SNTN: variants seen among roughly 807,000 people sequenced by gnomAD.
SNTN encodes the protein sentan, cilia apical structure protein.
Under a neutral mutation model 12.3 loss-of-function variants are expected in SNTN, and 13 were observed. The observed-to-expected ratio is 1.05, with a 90% CI of 0.69 to 1.67. SNTN has a LOEUF of 1.67. SNTN is among the 40% of genes most tolerant of loss of function. The probability of loss-of-function intolerance (pLI) is 0.00; values close to 1 mark genes in which losing one functional copy is unlikely to be tolerated. For missense variants in SNTN, 189 were observed against 169.8 expected, an observed-to-expected ratio of 1.11 and a Z score of -0.63; for synonymous variants, 69 against 58.5, an observed-to-expected ratio of 1.18 and a Z score of -0.82.
Position 63,664,185 on chromosome 3 carries a change from T to C in SNTN, c.*90T>C. On this transcript the variant is annotated 3_prime_UTR_variant, in exon 4 of 4. Transcript: ENST00000343837. ...ATTTTTGATTAATTGAATATATCTATCATGCATCTGAAATTGCCTAGGATG... is the reference window on the plus strand; with the variant it reads ...ATTTTTGATTAATTGAATATATCTACCATGCATCTGAAATTGCCTAGGATG... 7.8e-7 allele frequency: 1 copy of C among 1,288,262 alleles called. No individual in the cohort carries two copies. The highest frequency in any genetic ancestry group is 1.1e-6 in the Non-Finnish European group (1 of 951,582). 79.8% of individuals were successfully genotyped at this position (1,288,262 alleles called of 1,614,324 possible).
At chr3:63,663,730 C>T (rs1224990087) in intron 3 of SNTN, 1 of 685,362 alleles carries the variant, frequency 1.5e-6, no homozygotes, top group Non-Finnish European at 2.7e-6. Context: ...GTGGAAGCAG[C>T]CTGAGGTCCT....
intron 3 of SNTN, among the ~76,000 whole-genome samples, chr3:63,663,293 T>A (rs1189694527): frequency 6.6e-6 from 1 of 152,214 alleles, no homozygotes; most frequent in Non-Finnish European, 1.5e-5. Flanking sequence ...ATACTGCATC[T>A]GTAGGATGAG....
intron 3 of SNTN, among the ~76,000 whole-genome samples, chr3:63,661,257 T>A (rs865839605): frequency 6.6e-6 from 1 of 152,200 alleles, no homozygotes; most frequent in Non-Finnish European, 1.5e-5. Flanking sequence ...GAGGGCCTCA[T>A]ATCAGCTTAA....
chr3:63,664,783 G>C lies in SNTN; in HGVS notation c.*688G>C, dbSNP rs545977597. ...TTATTTTATTTTGAGACAGAGTTTT[G>C]CTCTTGTTGCCCAGGCTGGAGTGCA... On this transcript the variant is annotated 3_prime_UTR_variant, in exon 4 of 4. Transcript: ENST00000343837. 5 of 146,164 alleles carry C rather than the reference G, an allele frequency of 3.4e-5. No homozygotes were observed. The highest frequency in any genetic ancestry group is 1.0e-4 in the African/African-American group (4 of 39,944). 9.1% of individuals were successfully genotyped at this position (146,164 alleles called of 1,614,324 possible). A position where few individuals can be genotyped will look rare whatever the true frequency, so the allele number is the denominator to read the frequency against.
intron 2 of SNTN, among the ~76,000 whole-genome samples, chr3:63,659,254 G>C (rs551088222): frequency 6.6e-6 from 1 of 152,240 alleles, no homozygotes; most frequent in African/African-American, 2.4e-5. Flanking sequence ...ATAGCAAAGA[G>C]CTTTTCCTGA....
At chr3:63,663,879 G>T in intron 3 of SNTN, 58 bp from the exon 4 acceptor site, 1 of 1,553,622 alleles carries the variant, frequency 6.4e-7, no homozygotes, top group East Asian at 2.3e-5. Context: ...TATTGTTTAT[G>T]ATCTGTAAAC....
Position 63,664,017 on chromosome 3 carries a change from C to T in SNTN, c.366C>T (p.Asp122=). The T allele has an allele frequency of 6.2e-7, 1 of 1,613,922 alleles. No homozygotes were observed. The highest frequency in any genetic ancestry group is 2.2e-5 in the East Asian group (1 of 44,850). ...CAGAAAATAAGCTAGATTTTGAAGA[C>T]TTCATGATCTTGCTCTTAAGCATCA... ...EHTENKLDFE[D]FMILLLSITV... Residue 122 remains aspartate (D), a synonymous_variant, in exon 4 of 4, where the codon GAC becomes GAT. Transcript: ENST00000343837.
chr3:63,652,679 G>C lies in SNTN; in HGVS notation c.-9G>C, dbSNP rs535347311. Reference sequence around the variant, plus strand: ...TAGGAAGGACTGACACAAAACAGAAGATGAGAGAATGGGTGGCTGTATGCA... The same window carrying C: ...TAGGAAGGACTGACACAAAACAGAACATGAGAGAATGGGTGGCTGTATGCA... On this transcript the variant is annotated 5_prime_UTR_variant, in exon 1 of 4. Transcript: ENST00000343837. 5.6e-5 allele frequency: 91 copies of C among 1,612,260 alleles called. 1 individual carries two copies. In the South Asian group the frequency reaches 9.6e-4, roughly 17 times the overall value.
chr3:63,660,271 T>C (rs748670120), intron 3 of SNTN, among the ~76,000 whole-genome samples: 2 of 151,860 alleles, frequency 1.3e-5, no homozygotes, highest in Non-Finnish European at 1.5e-5. Flanking sequence ...GGAGGGCCAG[T>C]TGGTGAGAAG....
intron 1 of SNTN, among the ~76,000 whole-genome samples, chr3:63,653,549 T>C (rs1700644662): frequency 6.6e-6 from 1 of 152,084 alleles, no homozygotes; most frequent in African/African-American, 2.4e-5. Context: ...CCTCAAGTAG[T>C]TAATGCCAAA....
intron 3 of SNTN, 91 bp from the exon 4 acceptor site, chr3:63,663,846 C>A: frequency 6.9e-7 from 1 of 1,459,090 alleles, no homozygotes; most frequent in Non-Finnish European, 9.5e-7. Flanking sequence ...TCTATTACAG[C>A]AACACTAAAC....
chr3:63,654,016 T>C (rs1251321148), intron 1 of SNTN, among the ~76,000 whole-genome samples: 1 of 152,220 alleles, frequency 6.6e-6, no homozygotes, highest in Non-Finnish European at 1.5e-5. Context: ...TCCTCCTTCT[T>C]CACTACTGAT....
At chr3:63,653,844 C>T (rs1343432856) in intron 1 of SNTN, among the ~76,000 whole-genome samples, 2 of 152,202 alleles carry the variant, frequency 1.3e-5, no homozygotes, top group African/African-American at 2.4e-5. Flanking sequence ...CTCCATAAGG[C>T]CTCCAAGGCT....
intron 1 of SNTN, 61 bp from the exon 2 acceptor site, chr3:63,654,701 A>G (rs1445538221): frequency 7.0e-7 from 1 of 1,422,620 alleles, no homozygotes; most frequent in African/African-American, 1.4e-5. Flanking sequence ...GCTCTGCTAT[A>G]GATGCTGATA....
At chr3:63,655,055 G>A (rs915475089) in intron 2 of SNTN, among the ~76,000 whole-genome samples, 4 of 152,070 alleles carry the variant, frequency 2.6e-5, no homozygotes, top group Admixed American at 6.6e-5. Flanking sequence ...CTAATTCAGC[G>A]TTCTTCCCAC....
At chr3:63,662,313 T>C (rs917678556) in intron 3 of SNTN, among the ~76,000 whole-genome samples, 1 of 152,198 alleles carries the variant, frequency 6.6e-6, no homozygotes, top group African/African-American at 2.4e-5. Flanking sequence ...ACTGAGCTGG[T>C]TCTTTTGGCG....
chr3:63,655,984 T>C (rs984486962), intron 2 of SNTN, among the ~76,000 whole-genome samples: 4 of 152,208 alleles, frequency 2.6e-5, no homozygotes, highest in Non-Finnish European at 4.4e-5. Context: ...GGAAAATTAC[T>C]GGCCTAAAAA....
At chr3:63,659,622 A>G in intron 2 of SNTN, 103 bp from the exon 3 acceptor site, 1 of 1,395,254 alleles carries the variant, frequency 7.2e-7, no homozygotes. Context: ...AAGGGCCAAG[A>G]TTTAGAAGGT....
intron 3 of SNTN, chr3:63,663,702 C>A: frequency 1.6e-6 from 1 of 641,434 alleles, no homozygotes; most frequent in South Asian, 1.6e-5. Flanking sequence ...ACCAGCTCCC[C>A]TTCACCTTCT....
Sources: gnomAD v4.1 joint callset for allele counts (sites outside exome capture counted in the v4.1 genomes callset) on GRCh38, gnomAD v4.1.1 for gene constraint, MANE v1.5 for transcripts, NCBI Gene and HGNC (gene_info 2026-07-23, HGNC 2026-07-21) for gene names.